The following PDE4B variants were observed in gnomAD, a reference collection of about 807,000 sequenced individuals.
PDE4B encodes 3',5'-cyclic-AMP phosphodiesterase 4B.
In PDE4B, 20 loss-of-function variants were observed where a neutral mutation model predicts 82.2. The ratio of observed to expected loss-of-function variants is 0.24; its 90% CI spans 0.17 to 0.35. The LOEUF (loss-of-function observed/expected upper bound fraction) is 0.35. PDE4B is among the 10% of genes least tolerant of loss of function. PDE4B has a pLI of 1.00. For missense variants in PDE4B, 655 were observed against 907.2 expected, an observed-to-expected ratio of 0.72 and a Z score of 3.57; for synonymous variants, 320 against 318.9, an observed-to-expected ratio of 1.00 and a Z score of -0.04.
intron 3 of PDE4B, among the ~76,000 whole-genome samples, chr1:66,019,045 C>T (rs1026333961): frequency 1.3e-5 from 2 of 152,152 alleles, no homozygotes; most frequent in Non-Finnish European, 1.5e-5. Context: ...ACCGTTTTCA[C>T]ATTTAAATTC....
intron 8 of PDE4B, among the ~76,000 whole-genome samples, chr1:66,334,673 T>G (rs1173922644): frequency 1.3e-5 from 2 of 152,270 alleles, no homozygotes; most frequent in Non-Finnish European, 2.9e-5. Flanking sequence ...ATTTAGTGCA[T>G]GAATGATGCC....
chr1:66,128,058 G>A (rs1195244067), intron 3 of PDE4B, among the ~76,000 whole-genome samples: 1 of 152,042 alleles, frequency 6.6e-6, no homozygotes, highest in African/African-American at 2.4e-5. Context: ...GGGTTTTATT[G>A]AGCATTATTT....
At chr1:66,226,012 C>T (rs900409105) in intron 3 of PDE4B, among the ~76,000 whole-genome samples, 3 of 152,242 alleles carry the variant, frequency 2.0e-5, no homozygotes, top group African/African-American at 2.4e-5. Context: ...GCTTCTGTAT[C>T]TTCAGGTCCT....
intron 3 of PDE4B, among the ~76,000 whole-genome samples, chr1:66,135,336 C>T (rs1477816800): frequency 6.6e-6 from 1 of 152,270 alleles, no homozygotes; most frequent in African/African-American, 2.4e-5. Context: ...TTATAGATAA[C>T]CCTAATGAAG....
At chr1:66,315,280 G>C (rs1430775436) in intron 7 of PDE4B, among the ~76,000 whole-genome samples, 1 of 152,224 alleles carries the variant, frequency 6.6e-6, no homozygotes, top group Non-Finnish European at 1.5e-5. Context: ...AGCATTTGGA[G>C]TTAGAGAAAG....
intron 3 of PDE4B, among the ~76,000 whole-genome samples, chr1:66,206,603 C>T (rs1649576515): frequency 6.6e-6 from 1 of 152,038 alleles, no homozygotes; most frequent in Admixed American, 6.6e-5. Flanking sequence ...ACTATAATGA[C>T]CTTCATTCAT....
chr1:66,136,535 C>A (rs1378689241), intron 3 of PDE4B, among the ~76,000 whole-genome samples: 1 of 151,600 alleles, frequency 6.6e-6, no homozygotes, highest in Admixed American at 6.6e-5. Flanking sequence ...CATGATGAAA[C>A]CCCATCTCTA....
intron 3 of PDE4B, among the ~76,000 whole-genome samples, chr1:66,120,772 C>A (rs1645692509): frequency 6.6e-6 from 1 of 152,116 alleles, no homozygotes; most frequent in Admixed American, 6.6e-5. Flanking sequence ...TTCACCAGCT[C>A]CAATTCTGGC....
At chr1:65,857,706 C>A (rs1163866519) in intron 1 of PDE4B, among the ~76,000 whole-genome samples, 2 of 152,160 alleles carry the variant, frequency 1.3e-5, no homozygotes, top group Non-Finnish European at 2.9e-5. Flanking sequence ...CTGTTTTAAT[C>A]ATTGTAACAT....
intron 3 of PDE4B, among the ~76,000 whole-genome samples, chr1:66,052,354 C>A (rs937739998): frequency 2.0e-5 from 3 of 152,014 alleles, no homozygotes; most frequent in African/African-American, 7.3e-5. Flanking sequence ...GTTTTATATG[C>A]AGAATCTTAG....
intron 3 of PDE4B, among the ~76,000 whole-genome samples, chr1:66,008,895 G>A (rs2100731963): frequency 6.6e-6 from 1 of 152,058 alleles, no homozygotes; most frequent in South Asian, 2.1e-4. Context: ...AGAGGGTTGT[G>A]GACCTCTTCA....
intron 3 of PDE4B, among the ~76,000 whole-genome samples, chr1:66,006,855 C>T (rs769545521): frequency 2.6e-5 from 4 of 152,016 alleles, no homozygotes; most frequent in Non-Finnish European, 4.4e-5. Context: ...CTCAGCTATG[C>T]GAAATTGTGA....
At chr1:66,372,024 C>T (rs1570802843) in intron 16 of PDE4B, among the ~76,000 whole-genome samples, 1 of 152,194 alleles carries the variant, frequency 6.6e-6, no homozygotes, top group Non-Finnish European at 1.5e-5. Context: ...GTCCCAGCTC[C>T]ACCAGTCACT....
At chr1:65,835,764 C>T (rs991092624) in intron 1 of PDE4B, among the ~76,000 whole-genome samples, 5 of 151,986 alleles carry the variant, frequency 3.3e-5, no homozygotes, top group Admixed American at 2.0e-4. Flanking sequence ...CATGGCAGTT[C>T]AAAAAATTGA....
At chr1:65,930,082 G>A (rs1557439780) in intron 3 of PDE4B, among the ~76,000 whole-genome samples, 1 of 152,138 alleles carries the variant, frequency 6.6e-6, no homozygotes, top group Admixed American at 6.5e-5. Flanking sequence ...GTGAGTCTGA[G>A]TCTCAAAACT....
At chr1:66,158,445 A>T (rs1646544918) in intron 3 of PDE4B, among the ~76,000 whole-genome samples, 1 of 152,216 alleles carries the variant, frequency 6.6e-6, no homozygotes, top group Non-Finnish European at 1.5e-5. Flanking sequence ...AGGGAAATGC[A>T]AATCAAAACC....
intron 7 of PDE4B, among the ~76,000 whole-genome samples, chr1:66,318,043 A>G (rs1409381767): frequency 6.6e-6 from 1 of 152,216 alleles, no homozygotes; most frequent in African/African-American, 2.4e-5. Context: ...CAATTCTAAA[A>G]AGAACAAATT....
At chr1:65,919,846 G>T (rs1244525332) in intron 3 of PDE4B, among the ~76,000 whole-genome samples, 1 of 152,136 alleles carries the variant, frequency 6.6e-6, no homozygotes, top group Admixed American at 6.5e-5. Flanking sequence ...TTTAGTCAAT[G>T]TTTACCTGAC....
At chr1:65,891,678 C>T (rs1334128680) in intron 1 of PDE4B, among the ~76,000 whole-genome samples, 3 of 151,956 alleles carry the variant, frequency 2.0e-5, no homozygotes, top group Admixed American at 6.6e-5. Context: ...TATTTCAGTG[C>T]TTTAATGGAT....
Sources: gnomAD v4.1 joint callset for allele counts (sites outside exome capture counted in the v4.1 genomes callset) on GRCh38, gnomAD v4.1.1 for gene constraint, MANE v1.5 for transcripts, NCBI Gene and HGNC (gene_info 2026-07-23, HGNC 2026-07-21) for gene names.